ACSL1: variants seen among roughly 807,000 people sequenced by gnomAD.
ACSL1 encodes the protein acyl-CoA synthetase long chain family member 1.
Under a neutral mutation model 98.4 loss-of-function variants are expected in ACSL1, and 41 were observed. The observed-to-expected ratio is 0.42, with a 90% CI of 0.32 to 0.54. ACSL1 has a LOEUF of 0.54. Among genes scored for constraint, ACSL1 ranks in the 20% least tolerant of loss-of-function variants. ACSL1 has a pLI of 0.13. For missense variants in ACSL1, 734 were observed against 883.1 expected, an observed-to-expected ratio of 0.83 and a Z score of 2.14; for synonymous variants, 316 against 322.7, an observed-to-expected ratio of 0.98 and a Z score of 0.22.
intron 7 of ACSL1, among the ~76,000 whole-genome samples, chr4:184,776,037 T>A (rs1253912021): frequency 6.6e-6 from 1 of 152,160 alleles, no homozygotes; most frequent in African/African-American, 2.4e-5. Context: ...AAATCAAACA[T>A]GCATGTTGGA....
chr4:184,786,653 C>T (rs936832231), intron 3 of ACSL1, among the ~76,000 whole-genome samples: 2 of 151,454 alleles, frequency 1.3e-5, no homozygotes. Context: ...CTGAGACATC[C>T]AATGTTACCA....
chr4:184,788,302 T>C (rs1767751961), intron 3 of ACSL1: 3 of 423,102 alleles, frequency 7.1e-6, no homozygotes, highest in South Asian at 3.8e-5. Flanking sequence ...AAATGCCGGA[T>C]TGGGCCCAGT....
intron 2 of ACSL1, chr4:184,798,851 G>C (rs1349551160): frequency 6.6e-6 from 1 of 152,310 alleles, no homozygotes; most frequent in African/African-American, 2.4e-5. Flanking sequence ...TACTAACTGG[G>C]AGCAGCAGGT....
intron 4 of ACSL1, 63 bp downstream of exon 4, chr4:184,783,864 G>T (rs1766745938): frequency 1.4e-6 from 2 of 1,447,582 alleles, no homozygotes; most frequent in Non-Finnish European, 1.9e-6. Flanking sequence ...CTCCAAGAAT[G>T]CACATACAGA....
At chr4:184,771,999 CAG>C (rs1245794346) in intron 10 of ACSL1, among the ~76,000 whole-genome samples, 2 of 152,162 alleles carry the variant, frequency 1.3e-5, no homozygotes, top group East Asian at 3.8e-4. Flanking sequence ...CTTTCTGACT[CAG>C]AACAAAAATA....
Position 184,762,419 on chromosome 4 carries a change from T to A in ACSL1, c.1626A>T (p.Gly542=), listed in dbSNP as rs149636681. ...GGCGGCAACTTACTGGTAACCATTT[T>A]CCAATGTCCCCTGTGTGTAACCAGC... is the stretch of plus-strand genomic sequence containing the variant. The part of the protein sequence containing the change: ...KDGWLHTGDI[G]KWLPNGTLKI... The change falls in exon 17 of 21, where the codon GGA becomes GGT. Residue 542 remains glycine (G), a synonymous_variant. Transcript: ENST00000281455. The A allele has an allele frequency of 8.1e-6, 13 of 1,614,054 alleles. No homozygotes were observed. Among genetic ancestry groups the A allele is most frequent in the Non-Finnish European group, 1.0e-5 (12 of 1,179,988 alleles).
chr4:184,780,039 A>C (rs1437320645), intron 5 of ACSL1, among the ~76,000 whole-genome samples: 1 of 151,962 alleles, frequency 6.6e-6, no homozygotes, highest in Non-Finnish European at 1.5e-5. Flanking sequence ...GGCCTGGCTA[A>C]TTTTGTATTT....
Position 184,757,348 on chromosome 4 carries a change from A to G in ACSL1, c.1957-83T>C. 6.7e-7 allele frequency: 1 copy of G among 1,490,926 alleles called. No homozygotes were observed. The highest frequency in any genetic ancestry group is 2.1e-5 in the Admixed American group (1 of 47,360). The allele number at this position is 1,490,926 out of a possible 1,614,324, so 92.4% of individuals were successfully genotyped here. ...AGCACGTAAGCCTTGGAGGGGATCAACACTCTCCAGCCATCCAATCCATCC... is the reference window on the plus strand; with the variant it reads ...AGCACGTAAGCCTTGGAGGGGATCAGCACTCTCCAGCCATCCAATCCATCC... On this transcript the variant is annotated intron_variant, in intron 20 of 20. Transcript: ENST00000281455. The surrounding 1 kb of genome is among the most constrained non-coding windows in gnomAD (Gnocchi z 4.5).
In ACSL1 at chr4:184,776,615, A is replaced by T. The variant is rs1765334307; in HGVS notation, c.625T>A (p.Leu209Ile). 1 of 1,613,692 alleles carries T rather than the reference A, an allele frequency of 6.2e-7. No individual in the cohort carries two copies. Among genetic ancestry groups the T allele is most frequent in the African/African-American group, 1.3e-5 (1 of 74,928 alleles). ...AACTTATTTTCTACACCCTCTAATAAGAGTTTGGCCTTCTCTGGCTTGTCA... is the reference window on the plus strand; with the variant it reads ...AACTTATTTTCTACACCCTCTAATATGAGTTTGGCCTTCTCTGGCTTGTCA... The part of the protein sequence containing the change: ...FVDKPEKAKL[L>I]LEGVENKLIP... Residue 209 changes from leucine (L) to isoleucine (I), a missense_variant, in exon 7 of 21, where the codon TTA becomes ATA. Coordinates refer to ENST00000281455, the MANE Select transcript of ACSL1 (RefSeq NM_001995.5).
In ACSL1 at chr4:184,825,705, C is replaced by A. The variant is rs1019101769; in HGVS notation, c.-33+211G>T. On this transcript the variant is annotated intron_variant, in intron 1 of 20. Coordinates refer to ENST00000281455, the MANE Select transcript of ACSL1 (RefSeq NM_001995.5). The surrounding 1 kb of genome is among the most constrained non-coding windows in gnomAD (Gnocchi z 4.7). ...ACAGGAAGCTGCGGCAGCACGGGCA[C>A]CCCGGAGGCCTCCGGCTGCCGAGGG... Among the ~76,000 whole-genome samples, 19 of 150,022 alleles carry A rather than the reference C, an allele frequency of 1.3e-4. No individual in the cohort carries two copies. Among genetic ancestry groups the A allele is most frequent in the Non-Finnish European group, 2.2e-4 (15 of 67,042 alleles).
chr4:184,762,633 C>T, intron 16 of ACSL1, 110 bp from the exon 17 acceptor site: 2 of 959,292 alleles, frequency 2.1e-6, no homozygotes, highest in Non-Finnish European at 3.3e-6. Flanking sequence ...AGCTGGAAGC[C>T]CTAAACTCCA....
In ACSL1 at chr4:184,757,115, C is replaced by T. The variant is rs773989905; in HGVS notation, c.*10G>A. 6.4e-7 allele frequency: 1 copy of T among 1,566,060 alleles called. No individual in the cohort carries two copies. Among genetic ancestry groups the T allele is most frequent in the Non-Finnish European group, 8.7e-7 (1 of 1,144,726 alleles). On this transcript the variant is annotated 3_prime_UTR_variant, in exon 21 of 21. Transcript: ENST00000281455. The surrounding 1 kb of genome is among the most constrained non-coding windows in gnomAD (Gnocchi z 4.5). ...AACTGTGCCATTTCCTCTGAGCTTT[C>T]TTCTTCACACTAAACCTTGATAGTG...
intron 2 of ACSL1, among the ~76,000 whole-genome samples, chr4:184,789,958 T>A (rs1354790646): frequency 6.6e-6 from 1 of 151,780 alleles, no homozygotes; most frequent in East Asian, 1.9e-4. Context: ...GAAATTAGAC[T>A]GTGATATGAT....
intron 1 of ACSL1, among the ~76,000 whole-genome samples, chr4:184,822,584 C>G (rs6858762): frequency 6.6e-6 from 1 of 151,642 alleles, no homozygotes; most frequent in African/African-American, 2.4e-5. Flanking sequence ...GAAAAAAATA[C>G]AAAAATTAGC....
intron 12 of ACSL1, 135 bp downstream of exon 12, chr4:184,768,181 A>G: frequency 1.1e-6 from 1 of 915,872 alleles, no homozygotes; most frequent in Non-Finnish European, 1.6e-6. Context: ...TTTACAGATG[A>G]GTAAACTGAA....
chr4:184,778,666 G>A (rs765530331), intron 5 of ACSL1, among the ~76,000 whole-genome samples: 31 of 152,176 alleles, frequency 2.0e-4, no homozygotes, highest in East Asian at 7.7e-4. Flanking sequence ...AAGAGAGGCC[G>A]AGTCACTGTG....
At chr4:184,784,989 T>A (rs1170737636) in intron 3 of ACSL1, among the ~76,000 whole-genome samples, 4 of 152,220 alleles carry the variant, frequency 2.6e-5, no homozygotes, top group African/African-American at 9.6e-5. Context: ...ATTAGCCATA[T>A]GAAATGATGC....
chr4:184,760,630 C>T, intron 17 of ACSL1, 130 bp from the exon 18 acceptor site: 1 of 1,303,506 alleles, frequency 7.7e-7, no homozygotes, highest in Non-Finnish European at 1.1e-6. Flanking sequence ...CCACAGAGGT[C>T]AGTTATGATC....
intron 11 of ACSL1, 167 bp downstream of exon 11, chr4:184,770,232 G>A (rs1237481697): frequency 6.5e-7 from 1 of 1,534,644 alleles, no homozygotes; most frequent in Non-Finnish European, 8.7e-7. Context: ...CTATAGGGAT[G>A]ACAGTCCGCA....
Sources: allele counts gnomAD v4.1 joint callset (sites outside exome capture counted in the v4.1 genomes callset), GRCh38; gene constraint gnomAD v4.1.1; non-coding constraint Gnocchi (gnomAD v3.1); transcripts MANE v1.5; gene names NCBI Gene and HGNC (gene_info 2026-07-23, HGNC 2026-07-21).